The following PKP4 variants were observed in gnomAD, a reference collection of about 807,000 sequenced individuals.
PKP4 encodes the protein plakophilin 4.
Under a neutral mutation model 145.1 loss-of-function variants are expected in PKP4, and 90 were observed. The ratio of observed to expected loss-of-function variants is 0.62; its 90% CI spans 0.52 to 0.74. The LOEUF is 0.74. Among genes scored for constraint, PKP4 ranks in the 30% least tolerant of loss-of-function variants. The pLI, the probability that PKP4 is intolerant of heterozygous loss-of-function variation, is 0.00. For missense variants in PKP4, 1,340 were observed against 1,482.7 expected (o/e 0.90, Z 1.58); for synonymous variants, 563 against 577.2 (o/e 0.98, Z 0.35).
rs1291968247 is a variant in PKP4, at chr2:158,678,611, G to T, written c.3287G>T (p.Ser1096Ile). The T allele has an allele frequency of 1.4e-5, 23 of 1,610,924 alleles. No individual in the cohort carries two copies. Among genetic ancestry groups the T allele is most frequent in the Non-Finnish European group, 2.0e-5 (23 of 1,177,186 alleles). Reference sequence around the variant, plus strand: ...AGCAAACCTTCACCAATTTACATCAGTTCCTATTCCTCACCAGCAAGAGAA... The same window carrying T: ...AGCAAACCTTCACCAATTTACATCATTTCCTATTCCTCACCAGCAAGAGAA... The part of the protein sequence containing the change: ...GSSKPSPIYI[S>I]SYSSPAREQN... The change falls in exon 21 of 22, where the codon AGT (serine) becomes ATT (isoleucine). Residue 1096 changes from serine to isoleucine, a missense_variant. Ser to Ile is a moderately radical substitution (Grantham distance 142, BLOSUM62 -2). Transcript: ENST00000389759.
At chr2:158,620,353 GTTAAA>G (rs1026562717) in intron 4 of PKP4, among the ~76,000 whole-genome samples, 23 of 152,174 alleles carry the variant, frequency 1.5e-4, no homozygotes, top group African/African-American at 5.1e-4. Flanking sequence ...AAATGGTACT[GTTAAA>G]TTAAAGCAGA....
intron 1 of PKP4, among the ~76,000 whole-genome samples, chr2:158,508,362 G>A (rs1258585808): frequency 6.8e-5 from 3 of 44,174 alleles, no homozygotes; most frequent in South Asian, 1.5e-3. Flanking sequence ...GCAAAACTCC[G>A]TCTCAAAAAA....
At chr2:158,633,088 A>G (rs1355492444) in intron 8 of PKP4, among the ~76,000 whole-genome samples, 1 of 152,190 alleles carries the variant, frequency 6.6e-6, no homozygotes, top group Admixed American at 6.5e-5. Context: ...CCTCTTGTGA[A>G]GTAGATTTTC....
intron 11 of PKP4, among the ~76,000 whole-genome samples, chr2:158,644,106 A>ATGC (rs2054597920): frequency 6.6e-6 from 1 of 152,204 alleles, no homozygotes; most frequent in Non-Finnish European, 1.5e-5. Flanking sequence ...TGTGTCCCAC[A>ATGC]TGCAGTAGGG....
intron 2 of PKP4, among the ~76,000 whole-genome samples, chr2:158,573,829 A>G (rs1221094152): frequency 1.3e-5 from 2 of 152,214 alleles, no homozygotes; most frequent in African/African-American, 4.8e-5. Flanking sequence ...AAAGGGAGCA[A>G]ATCTGGGCCT....
At chr2:158,533,419 C>A (rs1425279342) in intron 2 of PKP4, 103 bp downstream of exon 2, 11 of 1,347,710 alleles carry the variant, frequency 8.2e-6, no homozygotes, top group Non-Finnish European at 1.1e-5. Flanking sequence ...TTGACGCCTT[C>A]ACGTTTTCTA....
intron 19 of PKP4, among the ~76,000 whole-genome samples, chr2:158,676,037 T>TA (rs1318628251): frequency 6.6e-6 from 1 of 152,178 alleles, no homozygotes; most frequent in Non-Finnish European, 1.5e-5. Flanking sequence ...TAAGGATAGA[T>TA]ACGGTGTTAC....
At chr2:158,585,890 CA>C (rs370996666) in intron 3 of PKP4, among the ~76,000 whole-genome samples, 175 of 133,194 alleles carry the variant, frequency 1.3e-3, no homozygotes, top group African/African-American at 3.5e-3. Context: ...TTTATCATTC[CA>C]AAAAAAAAAA....
At chr2:158,666,662 TA>T (rs2057115435) in intron 16 of PKP4, 99 bp downstream of exon 16, 1 of 1,002,630 alleles carries the variant, frequency 1.0e-6, no homozygotes, top group African/African-American at 1.7e-5. Flanking sequence ...GTAAAATCAT[TA>T]ACAGCTGAGC....
At chr2:158,592,258 C>A (rs765574621) in intron 3 of PKP4, among the ~76,000 whole-genome samples, 1 of 151,956 alleles carries the variant, frequency 6.6e-6, no homozygotes, top group African/African-American at 2.4e-5. Context: ...TGAGAGTTTT[C>A]AGAGGGATTT....
At chr2:158,654,960 A>G (rs551139983) in intron 11 of PKP4, among the ~76,000 whole-genome samples, 22 of 152,326 alleles carry the variant, frequency 1.4e-4, no homozygotes, top group Non-Finnish European at 2.4e-4. Context: ...ATTATATAAT[A>G]CTTGCCTAAT....
chr2:158,539,630 A>G (rs1276146738), intron 2 of PKP4, among the ~76,000 whole-genome samples: 1 of 152,208 alleles, frequency 6.6e-6, no homozygotes, highest in Non-Finnish European at 1.5e-5. Flanking sequence ...CCTGGCAGTT[A>G]TTGTTACCGT....
In PKP4 at chr2:158,631,023, C is replaced by T. The variant is rs762123077; in HGVS notation, c.1154-730C>T. The stretch of plus-strand genomic sequence containing the variant: ...CGCAATCTTGGCTCACTGCAAGCTC[C>T]GCCTTCCGGGTTCACGCCATTCTCC... On this transcript the variant is annotated intron_variant, in intron 7 of 21. Transcript: ENST00000389759. Among the ~76,000 whole-genome samples, 70 of 151,982 alleles carry T rather than the reference C, an allele frequency of 4.6e-4. 1 individual carries two copies. In the East Asian group the frequency reaches 6.4e-3, roughly 14 times the overall value.
intron 11 of PKP4, among the ~76,000 whole-genome samples, chr2:158,653,753 G>A (rs982141046): frequency 6.6e-6 from 1 of 152,182 alleles, no homozygotes; most frequent in African/African-American, 2.4e-5. Flanking sequence ...TATTTTTGAA[G>A]CAAATTTTGC....
At chr2:158,503,030 A>G (rs567596706) in intron 1 of PKP4, among the ~76,000 whole-genome samples, 2 of 152,350 alleles carry the variant, frequency 1.3e-5, no homozygotes, top group East Asian at 1.9e-4. Context: ...TGCTATCCAC[A>G]TGTGTTTTGC....
chr2:158,471,939 T>C (rs1454054491), intron 1 of PKP4, among the ~76,000 whole-genome samples: 1 of 152,192 alleles, frequency 6.6e-6, no homozygotes, highest in African/African-American at 2.4e-5. Context: ...CTGAAAGGTA[T>C]AGAGTAAAAA....
Position 158,513,972 on chromosome 2 carries a change from G to A in PKP4, c.-5-19208G>A, listed in dbSNP as rs186692129. 1.2e-4 allele frequency among the ~76,000 whole-genome samples: 19 copies of A among 152,284 alleles called. No homozygotes were observed. The East Asian group carries it at 3.7e-3, about 29-fold the overall frequency. ...ACCCCGCTCTCCCATGCGAAGTTGA[G>A]CTCCCCTCACTTCTGTGGTGGTAGA... On this transcript the variant is annotated intron_variant, in intron 1 of 21. Coordinates refer to ENST00000389759, the MANE Select transcript of PKP4 (RefSeq NM_003628.6).
At chr2:158,541,592 C>T (rs951454074) in intron 2 of PKP4, among the ~76,000 whole-genome samples, 1 of 123,524 alleles carries the variant, frequency 8.1e-6, no homozygotes, top group African/African-American at 2.7e-5. Context: ...CAATTATATT[C>T]TATATAATTA....
At chr2:158,672,665 C>T (rs1440716187) in intron 17 of PKP4, among the ~76,000 whole-genome samples, 2 of 152,164 alleles carry the variant, frequency 1.3e-5, no homozygotes, top group Non-Finnish European at 2.9e-5. Flanking sequence ...TTGCCTGTTC[C>T]ATAGTCCAAT....
Sources: allele counts gnomAD v4.1 joint callset (sites outside exome capture counted in the v4.1 genomes callset), GRCh38; gene constraint gnomAD v4.1.1; transcripts MANE v1.5; gene names NCBI Gene and HGNC (gene_info 2026-07-23, HGNC 2026-07-21).